Variants in SUPT3H observed in about 807,000 individuals in gnomAD.
SUPT3H encodes SPT3 homolog, SAGA and STAGA complex component.
Under a neutral mutation model 44.3 loss-of-function variants are expected in SUPT3H, and 44 were observed. That is an observed-to-expected ratio of 0.99 (90% CI 0.78 to 1.28). The LOEUF (loss-of-function observed/expected upper bound fraction) is 1.28, where lower values mean the gene tolerates loss of function less well. Among genes scored for constraint, SUPT3H ranks in the 50% most tolerant of loss-of-function variants. The pLI is 0.00. For synonymous variants in SUPT3H, 124 were observed against 125.6 expected, an observed-to-expected ratio of 0.99 and a Z score of 0.09; for missense variants, 380 against 387.1, an observed-to-expected ratio of 0.98 and a Z score of 0.15.
intron 2 of SUPT3H, among the ~76,000 whole-genome samples, chr6:45,275,579 C>A (rs1377539252): frequency 6.6e-6 from 1 of 152,102 alleles, no homozygotes; most frequent in East Asian, 1.9e-4. Flanking sequence ...TGTGAAATGA[C>A]AGACTGATTC....
At chr6:44,921,279 T>G (rs1043204575) in intron 10 of SUPT3H, among the ~76,000 whole-genome samples, 1 of 152,246 alleles carries the variant, frequency 6.6e-6, no homozygotes, top group Non-Finnish European at 1.5e-5. Flanking sequence ...AAAAATCAAG[T>G]GCTGTCCTTT....
Position 45,155,862 on chromosome 6 carries a change from A to G in SUPT3H, c.102-49856T>C, listed in dbSNP as rs144386009. On this transcript the variant is annotated intron_variant, in intron 2 of 10. Coordinates refer to ENST00000371459, the MANE Select transcript of SUPT3H (RefSeq NM_003599.4). ...TACTATGAAGCATTCTGTTGAAGAA[A>G]CCAGTAAAAGTTCACTTATATATAA... is the stretch of plus-strand genomic sequence containing the variant. 2.3e-3 allele frequency among the ~76,000 whole-genome samples: 353 copies of G among 152,214 alleles called. 1 individual carries two copies. Among genetic ancestry groups the G allele is most frequent in the African/African-American group, 7.8e-3 (323 of 41,556 alleles).
rs147962606 is a variant in SUPT3H, at chr6:44,817,764, C to T, written c.*53-8263G>A. On this transcript the variant is annotated intron_variant and NMD_transcript_variant, in intron 11 of 11. Transcript: ENST00000475057. ...ACATCAGCCATGAAATATCCATGCA[C>T]GAACCTAATAAAATATGTACTAGGT... is the stretch of plus-strand genomic sequence containing the variant. Among the ~76,000 whole-genome samples, 1,280 of 152,032 alleles carry T rather than the reference C, an allele frequency of 8.4e-3. 5 individuals carry two copies. The highest frequency in any genetic ancestry group is 0.014 in the Middle Eastern group (4 of 294).
chr6:45,125,680 T>C (rs1346431682), intron 2 of SUPT3H, among the ~76,000 whole-genome samples: 1 of 152,170 alleles, frequency 6.6e-6, no homozygotes, highest in African/African-American at 2.4e-5. Context: ...AATTTTGAGG[T>C]GGGCTTCAGC....
In SUPT3H at chr6:44,912,955, T is replaced by C. The variant is rs114175306; in HGVS notation, c.912+19698A>G. 6.5e-3 allele frequency among the ~76,000 whole-genome samples: 992 copies of C among 152,316 alleles called. 13 individuals carry two copies. The highest frequency in any genetic ancestry group is 0.023 in the African/African-American group (936 of 41,564). On this transcript the variant is annotated intron_variant, in intron 10 of 10. Coordinates refer to ENST00000371459, the MANE Select transcript of SUPT3H (RefSeq NM_003599.4). ...GGAATTCAAAATTATTGTCGATTCA[T>C]TGATTGGAAAATGCCTTCTTCCCAA...
At chr6:44,817,817 A>G (rs1452899863) in intron 11 of SUPT3H, among the ~76,000 whole-genome samples, 2 of 152,140 alleles carry the variant, frequency 1.3e-5, no homozygotes, top group African/African-American at 2.4e-5. Context: ...TAAAACATTG[A>G]TGAGAAAAAT....
At chr6:45,330,799 C>T (rs1331479224) in intron 2 of SUPT3H, among the ~76,000 whole-genome samples, 1 of 151,732 alleles carries the variant, frequency 6.6e-6, no homozygotes, top group Non-Finnish European at 1.5e-5. Flanking sequence ...AGCCCCCAAA[C>T]AGTATCTTGA....
chr6:45,322,481 T>C (rs1785659651), intron 2 of SUPT3H, among the ~76,000 whole-genome samples: 1 of 151,886 alleles, frequency 6.6e-6, no homozygotes, highest in African/African-American at 2.4e-5. Context: ...TTTTCACTGC[T>C]ATGCTTTCTG....
rs1020944317 is a variant in SUPT3H at position 45,062,511 on chromosome 6, G to T, written c.187-41879C>A. 6.6e-5 allele frequency among the ~76,000 whole-genome samples: 10 copies of T among 152,290 alleles called. No homozygotes were observed. The South Asian group carries it at 8.3e-4, about 13-fold the overall frequency. On this transcript the variant is annotated intron_variant, in intron 3 of 10. Coordinates refer to ENST00000371459, the MANE Select transcript of SUPT3H (RefSeq NM_003599.4). ...GTCTACAGCTCCCAGCGTGAGCGAC[G>T]CAGAAGACGGGTGATTTCTGCATTT... is the stretch of plus-strand genomic sequence containing the variant.
At chr6:45,344,188 G>A (rs1037167186) in intron 2 of SUPT3H, among the ~76,000 whole-genome samples, 11 of 152,164 alleles carry the variant, frequency 7.2e-5, no homozygotes, top group Non-Finnish European at 1.5e-4. Context: ...AGTATACAAA[G>A]AGTTAGACCA....
chr6:44,851,159 T>C (rs148504227), intron 10 of SUPT3H, among the ~76,000 whole-genome samples: 36 of 152,364 alleles, frequency 2.4e-4, no homozygotes, highest in African/African-American at 8.4e-4. Flanking sequence ...CTCATAGGAA[T>C]GGTTTCAATA....
At chr6:44,889,250 G>C (rs1384902959) in intron 10 of SUPT3H, among the ~76,000 whole-genome samples, 1 of 152,132 alleles carries the variant, frequency 6.6e-6, no homozygotes, top group Admixed American at 6.5e-5. Flanking sequence ...TTTCTTCACA[G>C]AATTGGAAAA....
At chr6:44,923,909 T>C (rs1036201514) in intron 10 of SUPT3H, among the ~76,000 whole-genome samples, 3 of 152,104 alleles carry the variant, frequency 2.0e-5, no homozygotes, top group Non-Finnish European at 1.5e-5. Flanking sequence ...ATGCTTACAA[T>C]AGCGGAAAAT....
intron 2 of SUPT3H, among the ~76,000 whole-genome samples, chr6:45,308,483 T>C (rs1003720151): frequency 6.6e-6 from 1 of 152,142 alleles, no homozygotes; most frequent in African/African-American, 2.4e-5. Context: ...GAATTGCATA[T>C]CCAGCCAAAC....
chr6:45,339,343 A>G (rs1036294488), intron 2 of SUPT3H, among the ~76,000 whole-genome samples: 2 of 152,200 alleles, frequency 1.3e-5, no homozygotes, highest in African/African-American at 2.4e-5. Context: ...AACTCCCTAG[A>G]TAAATTAGCC....
chr6:45,318,293 T>A (rs940964661), intron 2 of SUPT3H, among the ~76,000 whole-genome samples: 2 of 152,060 alleles, frequency 1.3e-5, no homozygotes, highest in East Asian at 3.8e-4. Context: ...ACAGAGGATA[T>A]TTAGGGCAGT....
In SUPT3H at chr6:45,271,210, C is replaced by T. The variant is rs553462795; in HGVS notation, c.101+93991G>A. Among the ~76,000 whole-genome samples, 11 of 152,294 alleles carry T rather than the reference C, an allele frequency of 7.2e-5. No homozygotes were observed. In the East Asian group the frequency reaches 1.9e-3, roughly 27 times the overall value. ...AATTCAAGCCAGCTGCAGAAATTTG[C>T]ATAAGTAACAAGGAGCTACATGTTA... is the stretch of plus-strand genomic sequence containing the variant. On this transcript the variant is annotated intron_variant, in intron 2 of 10. Coordinates refer to ENST00000371459, the MANE Select transcript of SUPT3H (RefSeq NM_003599.4).
chr6:45,336,980 G>T (rs1788697074), intron 2 of SUPT3H, among the ~76,000 whole-genome samples: 1 of 151,642 alleles, frequency 6.6e-6, no homozygotes, highest in African/African-American at 2.4e-5. Context: ...TGTGAAAACA[G>T]TGTGATCTGA....
intron 2 of SUPT3H, among the ~76,000 whole-genome samples, chr6:45,114,084 C>T (rs1284982): frequency 0.64 from 97,489 of 151,534 alleles, 32,159 homozygotes; most frequent in African/African-American, 0.8. Flanking sequence ...ATAATGCTGA[C>T]GTAAAAAAAT....
Sources: allele counts gnomAD v4.1 joint callset (sites outside exome capture counted in the v4.1 genomes callset), GRCh38; gene constraint gnomAD v4.1.1; transcripts MANE v1.5; gene names NCBI Gene and HGNC (gene_info 2026-07-23, HGNC 2026-07-21).